Variants in DOCK1 observed in about 807,000 individuals in gnomAD.
The protein encoded by DOCK1 is dedicator of cytokinesis 1, also known as dedicator of cytokinesis protein 1.
In DOCK1, 138 loss-of-function variants were observed where a neutral mutation model predicts 262.7. The ratio of observed to expected loss-of-function variants is 0.53; its 90% CI spans 0.46 to 0.61. The LOEUF is 0.61. DOCK1 is among the 20% of genes least tolerant of loss of function. The pLI, the probability that DOCK1 is intolerant of heterozygous loss-of-function variation, is 0.00. For missense variants in DOCK1, 1,908 were observed against 2,370.7 expected (o/e 0.80, Z 4.05); for synonymous variants, 866 against 867.4 (o/e 1.00, Z 0.03).
rs73382493 is a variant in DOCK1, at chr10:127,312,793, C to T, written c.3045-26213C>T. 4.6e-3 allele frequency among the ~76,000 whole-genome samples: 693 copies of T among 151,662 alleles called. 6 individuals carry two copies. The highest frequency in any genetic ancestry group is 0.016 in the African/African-American group (659 of 41,288). On this transcript the variant is annotated intron_variant, in intron 29 of 51. Transcript: ENST00000623213. ...CTCCTGGCAGCCAGATGGTCTTCCC[C>T]CTCACAGCCATCACTCCCTCCCTCC... is the stretch of plus-strand genomic sequence containing the variant.
intron 27 of DOCK1, among the ~76,000 whole-genome samples, chr10:127,208,961 G>T (rs2057847137): frequency 6.6e-6 from 1 of 152,176 alleles, no homozygotes. Flanking sequence ...TTACCAAGTG[G>T]TCGTTAATAC....
At chr10:127,195,768 C>G (rs979782793) in intron 27 of DOCK1, among the ~76,000 whole-genome samples, 1 of 152,166 alleles carries the variant, frequency 6.6e-6, no homozygotes, top group Middle Eastern at 3.2e-3. Flanking sequence ...CCCGGTCGCG[C>G]CAGATGCAGT....
chr10:126,938,323 C>A (rs2034696493), intron 1 of DOCK1, among the ~76,000 whole-genome samples: 1 of 152,226 alleles, frequency 6.6e-6, no homozygotes, highest in African/African-American at 2.4e-5. Flanking sequence ...GCTGGGATTA[C>A]AGGCAAGAGC....
chr10:127,184,494 C>A (rs1474781761), intron 27 of DOCK1, among the ~76,000 whole-genome samples: 1 of 150,632 alleles, frequency 6.6e-6, no homozygotes, highest in Non-Finnish European at 1.5e-5. Context: ...ACCCCCGTCC[C>A]CCATCCTGCA....
At chr10:127,167,606 C>G (rs1242051075) in intron 27 of DOCK1, among the ~76,000 whole-genome samples, 1 of 152,070 alleles carries the variant, frequency 6.6e-6, no homozygotes, top group Non-Finnish European at 1.5e-5. Flanking sequence ...AAAGGAGCCT[C>G]TAGGGCCTCT....
chr10:127,297,035 G>A (rs1056428794), intron 29 of DOCK1, among the ~76,000 whole-genome samples: 1 of 152,162 alleles, frequency 6.6e-6, no homozygotes, highest in African/African-American at 2.4e-5. Flanking sequence ...AGAGCGTGGG[G>A]CAGCTATTCC....
At chr10:126,992,155 T>C (rs762526803) in intron 6 of DOCK1, among the ~76,000 whole-genome samples, 5 of 152,168 alleles carry the variant, frequency 3.3e-5, no homozygotes, top group African/African-American at 2.4e-5. Context: ...GCCTGAGATA[T>C]TAGCTATTGT....
rs556677007 is a variant in DOCK1 at position 127,066,594 on chromosome 10, A to T, written c.2445+4818A>T. Among the ~76,000 whole-genome samples the T allele has an allele frequency of 2.0e-5, 3 of 152,254 alleles. No homozygotes were observed. In the South Asian group the frequency reaches 6.2e-4, roughly 32 times the overall value. On this transcript the variant is annotated intron_variant, in intron 23 of 51. Transcript: ENST00000623213. ...TTTTCCCTCGTGGAGACCCAAGTAG[A>T]ACCAGTGCGTTCCCCAGGAAACACC...
intron 2 of DOCK1, among the ~76,000 whole-genome samples, chr10:126,976,546 G>A (rs1340176842): frequency 6.6e-6 from 1 of 152,188 alleles, no homozygotes; most frequent in Admixed American, 6.5e-5. Context: ...GTGGAGGCCA[G>A]TTGCTGTGAC....
intron 43 of DOCK1, among the ~76,000 whole-genome samples, chr10:127,412,946 A>G (rs7896279): frequency 0.26 from 38,877 of 152,192 alleles, 5,257 homozygotes; most frequent in African/African-American, 0.33. Flanking sequence ...GACCTCCTCC[A>G]GGACTGGTCA....
At chr10:126,947,980 G>GTGA (rs2035691949) in intron 1 of DOCK1, among the ~76,000 whole-genome samples, 124 of 136,542 alleles carry the variant, frequency 9.1e-4, no homozygotes, top group South Asian at 1.3e-3. Flanking sequence ...GTTGGTGGTG[G>GTGA]TGGTGGTGGT....
chr10:126,998,327 C>T, intron 8 of DOCK1, 78 bp downstream of exon 8: 1 of 1,575,470 alleles, frequency 6.3e-7, no homozygotes, highest in Non-Finnish European at 8.7e-7. Flanking sequence ...CTGAAGCGTC[C>T]CATTCATGCT....
intron 23 of DOCK1, among the ~76,000 whole-genome samples, chr10:127,093,370 C>T (rs1158003617): frequency 5.3e-5 from 8 of 150,972 alleles, no homozygotes; most frequent in African/African-American, 7.3e-5. Flanking sequence ...CTCAGCCTCC[C>T]GAGTAGCTGG....
chr10:127,141,970 C>T (rs1300094178), intron 27 of DOCK1, among the ~76,000 whole-genome samples: 8 of 152,232 alleles, frequency 5.3e-5, no homozygotes, highest in Non-Finnish European at 1.0e-4. Context: ...CCCTCCTTTC[C>T]GTCTTCTAGG....
At chr10:127,222,892 G>T (rs1405974788) in intron 27 of DOCK1, among the ~76,000 whole-genome samples, 2 of 152,002 alleles carry the variant, frequency 1.3e-5, no homozygotes, top group African/African-American at 4.8e-5. Flanking sequence ...GCCCAGACTG[G>T]TCTCAAACAC....
At chr10:127,036,562 G>C (rs2043630845) in intron 18 of DOCK1, among the ~76,000 whole-genome samples, 1 of 152,042 alleles carries the variant, frequency 6.6e-6, no homozygotes, top group Non-Finnish European at 1.5e-5. Flanking sequence ...CGGTAAATTA[G>C]ATGTACTTTG....
At chr10:126,987,471 G>C in intron 4 of DOCK1, 50 bp from the exon 5 acceptor site, 1 of 1,461,400 alleles carries the variant, frequency 6.8e-7, no homozygotes, top group Non-Finnish European at 9.4e-7. Flanking sequence ...ACTACTCATA[G>C]CAGGCAGTGA....
In DOCK1 at chr10:127,444,134, C is replaced by T; in HGVS notation, c.5268C>T (p.Pro1756=). The T allele has an allele frequency of 3.2e-6, 5 of 1,562,032 alleles. No homozygotes were observed. The highest frequency in any genetic ancestry group is 2.4e-5 in the East Asian group (1 of 41,206). ...CTGTCCTTTTGATGTAGATAAGTCC[C>T]CTGCGGCCCCAGAGACCGAAGAGCC... ...EAVILSETIS[P]LRPQRPKSQV... is the part of the protein sequence containing the mutation. Residue 1756 remains proline, a synonymous_variant, in exon 50 of 52, where the codon CCC becomes CCT. Coordinates refer to ENST00000623213, the MANE Select transcript of DOCK1 (RefSeq NM_001290223.2).
At chr10:127,442,059 G>A (rs1317871275) in intron 49 of DOCK1, among the ~76,000 whole-genome samples, 1 of 152,118 alleles carries the variant, frequency 6.6e-6, no homozygotes, top group Non-Finnish European at 1.5e-5. Flanking sequence ...CAGTTTTGCT[G>A]CCTGGAACAA....
Sources: gnomAD v4.1 joint callset for allele counts (sites outside exome capture counted in the v4.1 genomes callset) on GRCh38, gnomAD v4.1.1 for gene constraint, MANE v1.5 for transcripts, NCBI Gene and HGNC (gene_info 2026-07-23, HGNC 2026-07-21) for gene names.